NLRP6: variants seen among roughly 807,000 people sequenced by gnomAD.
NLRP6 encodes NLR family pyrin domain containing 6, also known as NACHT, LRR and PYD domains-containing protein 6.
Under a neutral mutation model 70.9 loss-of-function variants are expected in NLRP6, and 55 were observed. That is an observed-to-expected ratio of 0.78 (90% CI 0.62 to 0.97). The LOEUF (loss-of-function observed/expected upper bound fraction) is 0.97, where lower values mean the gene tolerates loss of function less well. NLRP6 is among the 50% of genes least tolerant of loss of function. The pLI, the probability that NLRP6 is intolerant of heterozygous loss-of-function variation, is 0.00. For missense variants in NLRP6, 1,241 were observed against 1,238.3 expected, an observed-to-expected ratio of 1.00 and a Z score of -0.03; for synonymous variants, 652 against 581.9, an observed-to-expected ratio of 1.12 and a Z score of -1.73.
chr11:281,780 G>C lies in NLRP6; in HGVS notation c.2046G>C (p.Ala682=), dbSNP rs1226772781. 8.7e-6 allele frequency: 14 copies of C among 1,606,000 alleles called. No homozygotes were observed. Among genetic ancestry groups the C allele is most frequent in the Non-Finnish European group, 1.1e-5 (13 of 1,178,416 alleles). ...LRLISCRLVA[A]QEKKKKSLGK... is the part of the protein sequence containing the mutation. ...TGATCAGCTGCAGATTGGTTGCTGC[G>C]CAGGAGAAGAAGAAGAAGAGCCTGG... The change falls in exon 4 of 8, where the codon GCG becomes GCC. Residue 682 remains alanine (A), a synonymous_variant. Transcript: ENST00000534750.
rs936186083 is a variant in NLRP6, at chr11:280,102, G to T, written c.368G>T (p.Arg123Leu). ...CGCCCAGAGTACAAGAAGAAGTACC[G>T]GGAGCACGTGCTGCAGCTGCACGCT... ...LSVSEYKKKY[R>L]EHVLQLHARV... Residue 123 changes from arginine to leucine, a missense_variant, in exon 4 of 8, where the codon CGG becomes CTG. Physicochemically the swap from Arg to Leu is moderately radical, Grantham distance 102. Coordinates refer to ENST00000534750, the MANE Select transcript of NLRP6 (RefSeq NM_001276700.2). 6.6e-7 allele frequency: 1 copy of T among 1,519,644 alleles called. No individual in the cohort carries two copies. The highest frequency in any genetic ancestry group is 8.8e-7 in the Non-Finnish European group (1 of 1,134,760). 94.1% of individuals were successfully genotyped at this position (1,519,644 alleles called of 1,614,324 possible). A position where few individuals can be genotyped will look rare whatever the true frequency, so the allele number is the denominator to read the frequency against.
Position 279,951 on chromosome 11 carries a change from G to T in NLRP6, c.349+79G>T. The T allele has an allele frequency of 2.8e-6, 4 of 1,426,884 alleles. No individual in the cohort carries two copies. In the South Asian group the frequency reaches 5.9e-5, roughly 21 times the overall value. The allele number at this position is 1,426,884 out of a possible 1,614,324, so 88.4% of individuals were successfully genotyped here. On this transcript the variant is annotated intron_variant, in intron 3 of 7. Transcript: ENST00000534750. Reference sequence around the variant, plus strand: ...CGGGGAGGACCGGGGTGGGAGGGCCGCCAGGGGCGTGGGCTGTGGTCCCGT... The same window carrying T: ...CGGGGAGGACCGGGGTGGGAGGGCCTCCAGGGGCGTGGGCTGTGGTCCCGT...
chr11:279,764 G>A (rs971673186), intron 2 of NLRP6, 70 bp from the exon 3 acceptor site: 196 of 1,508,568 alleles, frequency 1.3e-4, no homozygotes, highest in Non-Finnish European at 1.6e-4. Flanking sequence ...TCCTCAGGGT[G>A]ACTCGGACCC....
Position 284,221 on chromosome 11 carries a change from T to C in NLRP6, c.2199-9T>C. On this transcript the variant is annotated splice_polypyrimidine_tract_variant and intron_variant, in intron 5 of 7. Transcript: ENST00000534750. ...CCTGCAGGTAAATCTCTGTGCTTCT[T>C]GACCACAGGCTGTCCCACTGCAAAC... 3 of 1,612,958 alleles carry C rather than the reference T, an allele frequency of 1.9e-6. No homozygotes were observed. Among genetic ancestry groups the C allele is most frequent in the Non-Finnish European group, 1.7e-6 (2 of 1,179,796 alleles).
At position 278,488 on chromosome 11, in the gene NLRP6, C is replaced by A; in HGVS notation, c.-82C>A. The A allele has an allele frequency of 8.1e-7, 1 of 1,233,938 alleles. No homozygotes were observed. Among genetic ancestry groups the A allele is most frequent in the Non-Finnish European group, 1.1e-6 (1 of 905,360 alleles). The allele number at this position is 1,233,938 out of a possible 1,614,324, so 76.4% of individuals were successfully genotyped here. A position where few individuals can be genotyped will look rare whatever the true frequency, so the allele number is the denominator to read the frequency against. Reference sequence around the variant, plus strand: ...GGGCTGGACAACCTCTAAGACTTGGCTCCAGCTCAGCCTGTGAAGGAATCA... The same window carrying A: ...GGGCTGGACAACCTCTAAGACTTGGATCCAGCTCAGCCTGTGAAGGAATCA... On this transcript the variant is annotated 5_prime_UTR_variant, in exon 1 of 8. Transcript: ENST00000534750. The surrounding 1 kb of genome is among the most constrained non-coding windows in gnomAD (Gnocchi z 4.7).
chr11:284,756 C>G, intron 7 of NLRP6, 114 bp downstream of exon 7: 1 of 995,308 alleles, frequency 1.0e-6, no homozygotes, highest in East Asian at 2.6e-5. Flanking sequence ...AGAGACCTCC[C>G]ATGTGACTGA....
intron 4 of NLRP6, 141 bp downstream of exon 4, chr11:281,980 T>A: frequency 1.4e-6 from 1 of 690,836 alleles, no homozygotes; most frequent in South Asian, 2.0e-5. Context: ...TTTGACCACC[T>A]CCTTGCAAGG....
intron 5 of NLRP6, 123 bp downstream of exon 5, chr11:282,920 G>A (rs1272679906): frequency 8.0e-6 from 6 of 745,862 alleles, no homozygotes; most frequent in Non-Finnish European, 1.4e-5. Flanking sequence ...GAGGCCTGTG[G>A]GTGCTGGAGA....
At chr11:279,991 C>T in intron 3 of NLRP6, 93 bp from the exon 4 acceptor site, 2 of 1,410,476 alleles carry the variant, frequency 1.4e-6, no homozygotes, top group Non-Finnish European at 1.9e-6. Context: ...GAAACTGAGG[C>T]CTGAGCAGGG....
intron 5 of NLRP6, among the ~76,000 whole-genome samples, chr11:283,311 C>CTTTTT (rs34619806): frequency 3.5e-5 from 4 of 115,424 alleles, no homozygotes; most frequent in Admixed American, 2.0e-4. Flanking sequence ...ATGTACAGTT[C>CTTTTT]TTTTTTTTTT....
At chr11:279,142 C>CG (rs1845428651) in intron 1 of NLRP6, 185 bp from the exon 2 acceptor site, 4 of 477,402 alleles carry the variant, frequency 8.4e-6, no homozygotes, top group South Asian at 2.2e-4. Flanking sequence ...GGTCCGGGGA[C>CG]GGGGGAGGGA....
rs199475802 is a variant in NLRP6 at position 280,520 on chromosome 11, G to C, written c.786G>C (p.Ala262=). 74 of 1,567,638 alleles carry C rather than the reference G, an allele frequency of 4.7e-5. No homozygotes were observed. The African/African-American group carries it at 9.4e-4, about 20-fold the overall frequency. ...TGGACCAGTGCCCCGACCGCGGCGC[G>C]CCGGTGCCGCAGATGCTGGCCCAGC... ...LILDQCPDRG[A]PVPQMLAQPQ... Residue 262 remains alanine, a synonymous_variant, in exon 4 of 8, where the codon GCG becomes GCC. Coordinates refer to ENST00000534750, the MANE Select transcript of NLRP6 (RefSeq NM_001276700.2).
intron 4 of NLRP6, among the ~76,000 whole-genome samples, 167 bp from the exon 5 acceptor site, chr11:282,538 G>A (rs1479445814): frequency 6.6e-6 from 1 of 152,200 alleles, no homozygotes; most frequent in Non-Finnish European, 1.5e-5. Context: ...CCACAGATGA[G>A]TGGTTTTGCT....
rs1845531969 is a variant in NLRP6, at chr11:284,621, G to A, written c.2516G>A (p.Gly839Glu). The stretch of plus-strand genomic sequence containing the variant: ...CTGTGTGCAGTCCTGCAGCACCAGG[G>A]ATGCGGCCTGCAGACCCTCAGGTGG... Reference protein sequence around the residue: ...TYLCAVLQHQGCGLQTLSLAS... With the variant: ...TYLCAVLQHQECGLQTLSLAS... The change falls in exon 7 of 8, where the codon GGA becomes GAA. Residue 839 changes from glycine to glutamate, a missense_variant. Gly to Glu is a moderately conservative substitution (Grantham distance 98, BLOSUM62 -2). Coordinates refer to ENST00000534750, the MANE Select transcript of NLRP6 (RefSeq NM_001276700.2). 1 of 1,608,276 alleles carries A rather than the reference G, an allele frequency of 6.2e-7. No homozygotes were observed. The highest frequency in any genetic ancestry group is 8.5e-7 in the Non-Finnish European group (1 of 1,179,510).
In NLRP6 at chr11:280,302, G is replaced by A. The variant is rs1478487691; in HGVS notation, c.568G>A (p.Glu190Lys). The A allele has an allele frequency of 4.0e-6, 6 of 1,500,650 alleles. No individual in the cohort carries two copies. Among genetic ancestry groups the A allele is most frequent in the East Asian group, 2.6e-5 (1 of 39,212 alleles). The allele number at this position is 1,500,650 out of a possible 1,614,324, so 93.0% of individuals were successfully genotyped here. ...HTFNRLFRRD[E>K]EGRRPLTVVL... ...TTTCAACCGCCTCTTCCGCCGCGAC[G>A]AGGAGGGCCGGCGGCCGCTGACCGT... Residue 190 changes from glutamate (E) to lysine (K), a missense_variant, in exon 4 of 8, where the codon GAG (glutamate) becomes AAG (lysine). Glu to Lys is a moderately conservative substitution (Grantham distance 56). Transcript: ENST00000534750.
In NLRP6 at chr11:284,315, C is replaced by T; in HGVS notation, c.2284C>T (p.Leu762Phe). ...AGCCCCCGCACTGACGGAGCTGGGC[C>T]TCCTCCACAACAGGCTCAGTGAGGC... ...RAAPALTELG[L>F]LHNRLSEAGL... The change falls in exon 6 of 8, where the codon CTC becomes TTC. Residue 762 changes from leucine (L) to phenylalanine (F), a missense_variant. Leu to Phe is a conservative substitution (Grantham distance 22). Transcript: ENST00000534750. 1.2e-6 allele frequency: 2 copies of T among 1,612,484 alleles called. No homozygotes were observed. The highest frequency in any genetic ancestry group is 8.5e-7 in the Non-Finnish European group (1 of 1,179,860).
Position 279,414 on chromosome 11 carries a change from C to G in NLRP6, c.117C>G (p.His39Gln). Residue 39 changes from histidine to glutamine, a missense_variant, in exon 2 of 8, where the codon CAC becomes CAG. Physicochemically the swap from His to Gln is conservative, Grantham distance 24. Coordinates refer to ENST00000534750, the MANE Select transcript of NLRP6 (RefSeq NM_001276700.2). The part of the protein sequence containing the change: ...LSQEQLKRFR[H>Q]KLRDVGPDGR... ...AAGAGCAGCTGAAGCGCTTCCGCCA[C>G]AAGCTGCGCGACGTGGGCCCGGACG... 7.3e-7 allele frequency: 1 copy of G among 1,363,702 alleles called. No individual in the cohort carries two copies. Among genetic ancestry groups the G allele is most frequent in the East Asian group, 3.1e-5 (1 of 32,252 alleles). 84.5% of individuals were successfully genotyped at this position (1,363,702 alleles called of 1,614,324 possible).
chr11:285,263 G>T lies in NLRP6; in HGVS notation c.2635G>T (p.Gly879Cys). The change falls in exon 8 of 8, where the codon GGC (glycine) becomes TGC (cysteine). Residue 879 changes from glycine (G) to cysteine (C), a missense_variant. Transcript: ENST00000534750. ...DLVITHPALDGHPQPPKELIS... is the reference protein window; with the variant it reads ...DLVITHPALDCHPQPPKELIS... ...GGTCATCACACACCCAGCGCTGGAC[G>T]GCCACCCACAACCTCCCAAGGAACT... is the stretch of plus-strand genomic sequence containing the variant. 6.2e-7 allele frequency: 1 copy of T among 1,608,282 alleles called. No homozygotes were observed. The highest frequency in any genetic ancestry group is 8.5e-7 in the Non-Finnish European group (1 of 1,177,112).
rs1309639715 is a variant in NLRP6 at position 280,739 on chromosome 11, G to A, written c.1005G>A (p.Gln335=). ...GCGCCGCCGCCCCCGGGAGGCTGCA[G>A]GGCCGCCTGTGTTCCCCGCAGTGCG... ...TTRAAAPGRL[Q]GRLCSPQCAE... The change falls in exon 4 of 8, where the codon CAG becomes CAA. Residue 335 remains glutamine, a synonymous_variant. Transcript: ENST00000534750. 6.2e-7 allele frequency: 1 copy of A among 1,600,548 alleles called. No homozygotes were observed. Among genetic ancestry groups the A allele is most frequent in the South Asian group, 1.1e-5 (1 of 89,282 alleles).
Sources: gnomAD v4.1 joint callset for allele counts (sites outside exome capture counted in the v4.1 genomes callset) on GRCh38, gnomAD v4.1.1 for gene constraint, Gnocchi (gnomAD v3.1) non-coding constraint, MANE v1.5 for transcripts, NCBI Gene and HGNC (gene_info 2026-07-23, HGNC 2026-07-21) for gene names.